Variants in CSMD1 observed in about 807,000 individuals in gnomAD.
CSMD1 encodes the protein CUB and sushi domain-containing protein 1.
A neutral mutation model predicts 417.5 loss-of-function variants in CSMD1; 213 were observed. That is an observed-to-expected ratio of 0.51 (90% CI 0.46 to 0.57). CSMD1 has a LOEUF of 0.57. CSMD1 is among the 20% of genes least tolerant of loss of function. The pLI, the probability that CSMD1 is intolerant of heterozygous loss-of-function variation, is 0.00. For missense variants in CSMD1, 6,923 were observed against 4,529.7 expected (o/e 1.53, Z -15.17); for synonymous variants, 2,862 against 1,736.8 (o/e 1.65, Z -16.11).
At chr8:4,310,881 G>T (rs1798524309) in intron 3 of CSMD1, among the ~76,000 whole-genome samples, 1 of 152,080 alleles carries the variant, frequency 6.6e-6, no homozygotes. Flanking sequence ...CTTACATGTG[G>T]CCAACAAGCA....
chr8:4,273,476 C>T (rs1425819146), intron 3 of CSMD1, among the ~76,000 whole-genome samples: 3 of 151,952 alleles, frequency 2.0e-5, no homozygotes, highest in Non-Finnish European at 4.4e-5. Flanking sequence ...ATAATAAATG[C>T]CTAATAAACT....
chr8:4,707,356 C>G (rs1246134858), intron 1 of CSMD1, among the ~76,000 whole-genome samples: 2 of 152,054 alleles, frequency 1.3e-5, no homozygotes, highest in African/African-American at 2.4e-5. Flanking sequence ...GGACATTATT[C>G]AAAGAAAATC....
At chr8:3,774,989 G>A (rs185708316) in intron 5 of CSMD1, among the ~76,000 whole-genome samples, 1 of 152,110 alleles carries the variant, frequency 6.6e-6, no homozygotes, top group Admixed American at 6.5e-5. Context: ...ACACAGGGGC[G>A]ATTCCCACTC....
chr8:3,200,178 T>G (rs772291016), intron 32 of CSMD1, among the ~76,000 whole-genome samples: 69 of 152,072 alleles, frequency 4.5e-4, no homozygotes, highest in Non-Finnish European at 6.3e-4. Flanking sequence ...TAAAAAATTT[T>G]TAAAAGTAAC....
At chr8:4,987,026 C>T (rs1272227198) in intron 1 of CSMD1, among the ~76,000 whole-genome samples, 1 of 152,120 alleles carries the variant, frequency 6.6e-6, no homozygotes, top group Non-Finnish European at 1.5e-5. Flanking sequence ...AGGTATTACA[C>T]ATATACAGAT....
At position 3,323,911 on chromosome 8, in the gene CSMD1, G is replaced by C. The variant is rs577968038; in HGVS notation, c.3632-15408C>G. ...TTCCTTCACCCCACCTTTCATCATT[G>C]TTAAAATAGACACACATCTAACCCC... is the stretch of plus-strand genomic sequence containing the variant. On this transcript the variant is annotated intron_variant, in intron 23 of 69. Transcript: ENST00000635120. 2.1e-5 allele frequency among the ~76,000 whole-genome samples: 3 copies of C among 142,112 alleles called. No homozygotes were observed. In the East Asian group the frequency reaches 6.4e-4, roughly 30 times the overall value. 93.2% of individuals were successfully genotyped at this position (142,112 alleles called of 152,430 possible). A position where few individuals can be genotyped will look rare whatever the true frequency, so the allele number is the denominator to read the frequency against.
At chr8:2,960,689 G>A (rs1235929373) in intron 62 of CSMD1, among the ~76,000 whole-genome samples, 1 of 151,636 alleles carries the variant, frequency 6.6e-6, no homozygotes, top group Non-Finnish European at 1.5e-5. Flanking sequence ...TAGACTAAGG[G>A]GCTTACATAC....
intron 3 of CSMD1, among the ~76,000 whole-genome samples, chr8:4,130,060 T>A (rs1346253329): frequency 6.6e-6 from 1 of 152,174 alleles, no homozygotes; most frequent in East Asian, 1.9e-4. Context: ...AAGAAAATGA[T>A]CGAACCTCCT....
intron 12 of CSMD1, among the ~76,000 whole-genome samples, chr8:3,414,656 C>T (rs1042766449): frequency 6.6e-6 from 1 of 152,192 alleles, no homozygotes; most frequent in Non-Finnish European, 1.5e-5. Flanking sequence ...CTATCCAGGA[C>T]TCAGGAACCA....
At chr8:3,182,926 G>A (rs1005357152) in intron 36 of CSMD1, 1 of 140,288 alleles carries the variant, frequency 7.1e-6, no homozygotes, top group South Asian at 2.5e-4. Context: ...GTTGTTAGTA[G>A]AGAAGGGGTT....
chr8:4,596,803 A>G (rs1016246651), intron 2 of CSMD1, among the ~76,000 whole-genome samples: 14 of 152,216 alleles, frequency 9.2e-5, no homozygotes, highest in African/African-American at 3.4e-4. Context: ...TCTATCTACC[A>G]GAATACCCAC....
At chr8:3,697,002 T>A (rs903160023) in intron 7 of CSMD1, among the ~76,000 whole-genome samples, 1 of 152,090 alleles carries the variant, frequency 6.6e-6, no homozygotes, top group African/African-American at 2.4e-5. Flanking sequence ...ATCCAGTAGG[T>A]CATGGGTTCT....
At chr8:4,902,837 A>G (rs1804975711) in intron 1 of CSMD1, among the ~76,000 whole-genome samples, 2 of 151,964 alleles carry the variant, frequency 1.3e-5, no homozygotes, top group Admixed American at 1.3e-4. Context: ...ATACATACAC[A>G]TATTTTTATT....
chr8:3,265,831 G>C (rs972830223), intron 26 of CSMD1, among the ~76,000 whole-genome samples: 1 of 152,056 alleles, frequency 6.6e-6, no homozygotes, highest in Non-Finnish European at 1.5e-5. Flanking sequence ...GCTTGGTGGA[G>C]ACCTGGGTGA....
rs573499981 is a variant in CSMD1 at position 3,357,308 on chromosome 8, C to G, written c.3304+1844G>C. ...GCTCCCTGGGTTCGAGTCTTCCTAGCTCTGTGTCCTTGGGCAAAGTTTGTA... is the reference window on the plus strand; with the variant it reads ...GCTCCCTGGGTTCGAGTCTTCCTAGGTCTGTGTCCTTGGGCAAAGTTTGTA... On this transcript the variant is annotated intron_variant, in intron 21 of 69. Coordinates refer to ENST00000635120, the MANE Select transcript of CSMD1 (RefSeq NM_033225.6). Among the ~76,000 whole-genome samples, 7 of 152,336 alleles carry G rather than the reference C, an allele frequency of 4.6e-5. No homozygotes were observed. The South Asian group carries it at 8.3e-4, about 18-fold the overall frequency.
At chr8:4,039,650 A>T (rs1158658446) in intron 3 of CSMD1, among the ~76,000 whole-genome samples, 8 of 152,200 alleles carry the variant, frequency 5.3e-5, no homozygotes, top group Non-Finnish European at 1.2e-4. Context: ...CATGGGACGT[A>T]ATCAGAACTG....
chr8:3,714,565 A>C lies in CSMD1; in HGVS notation c.932-6074T>G, dbSNP rs1166451805. 2.8e-5 allele frequency among the ~76,000 whole-genome samples: 4 copies of C among 143,966 alleles called. 1 individual carries two copies. Among genetic ancestry groups the C allele is most frequent in the African/African-American group, 5.1e-5 (2 of 39,058 alleles). 94.4% of individuals were successfully genotyped at this position (143,966 alleles called of 152,430 possible). The stretch of plus-strand genomic sequence containing the variant: ...GGCGAAACCCCATCTCTATCCCAAA[A>C]AAAAAAAAAAAAAAAATTAGCCCCA... On this transcript the variant is annotated intron_variant, in intron 6 of 69. Transcript: ENST00000635120.
At chr8:3,130,909 G>A (rs112883598) in intron 41 of CSMD1, among the ~76,000 whole-genome samples, 1 of 152,156 alleles carries the variant, frequency 6.6e-6, no homozygotes, top group Non-Finnish European at 1.5e-5. Flanking sequence ...TGCAACAAGT[G>A]TTTCTGTAAC....
At chr8:4,147,596 A>T (rs1445787480) in intron 3 of CSMD1, among the ~76,000 whole-genome samples, 2 of 152,100 alleles carry the variant, frequency 1.3e-5, no homozygotes, top group East Asian at 3.9e-4. Flanking sequence ...AATAAATAAT[A>T]TCGGTTCCCT....
Sources: allele counts gnomAD v4.1 joint callset (sites outside exome capture counted in the v4.1 genomes callset), GRCh38; gene constraint gnomAD v4.1.1; transcripts MANE v1.5; gene names NCBI Gene and HGNC (gene_info 2026-07-23, HGNC 2026-07-21).